Variants in SLIT1 observed in about 807,000 individuals in gnomAD.
SLIT1 encodes the protein slit guidance ligand 1, also known as slit homolog 1 protein.
A neutral mutation model predicts 186.1 loss-of-function variants in SLIT1; 66 were observed. That is an observed-to-expected ratio of 0.35 (90% CI 0.29 to 0.44). The LOEUF (loss-of-function observed/expected upper bound fraction) is 0.44. Among genes scored for constraint, SLIT1 ranks in the 20% least tolerant of loss-of-function variants. The pLI, the probability that SLIT1 is intolerant of heterozygous loss-of-function variation, is 1.00. For synonymous variants in SLIT1, 761 were observed against 833.8 expected (o/e 0.91, Z 1.50); for missense variants, 1,638 against 2,037.4 (o/e 0.80, Z 3.77).
intron 20 of SLIT1, among the ~76,000 whole-genome samples, chr10:97,040,900 C>T (rs933464770): frequency 6.6e-6 from 1 of 152,190 alleles, no homozygotes. Flanking sequence ...TCCCGGGTGA[C>T]AGTGACCATC....
At chr10:97,018,761 C>T in intron 27 of SLIT1, 78 bp from the exon 28 acceptor site, 1 of 875,436 alleles carries the variant, frequency 1.1e-6, no homozygotes, top group Non-Finnish European at 1.8e-6. Flanking sequence ...AGACCCTCAG[C>T]AGCTCAGCCT....
intron 4 of SLIT1, among the ~76,000 whole-genome samples, chr10:97,111,821 T>C (rs1156413368): frequency 6.6e-6 from 1 of 152,172 alleles, no homozygotes; most frequent in Non-Finnish European, 1.5e-5. Flanking sequence ...ACCACCCTGT[T>C]ACTCATCGTC....
At chr10:97,168,012 G>T (rs1048739296) in intron 1 of SLIT1, among the ~76,000 whole-genome samples, 3 of 152,108 alleles carry the variant, frequency 2.0e-5, no homozygotes, top group Non-Finnish European at 1.5e-5. Context: ...GTGTGAGAAC[G>T]GACTAATAAA....
At position 97,043,200 on chromosome 10, in the gene SLIT1, A is replaced by G; in HGVS notation, c.1998-133T>C. The G allele has an allele frequency of 7.6e-7, 1 of 1,320,504 alleles. No homozygotes were observed. The highest frequency in any genetic ancestry group is 2.3e-5 in the East Asian group (1 of 43,210). The allele number at this position is 1,320,504 out of a possible 1,614,324, so 81.8% of individuals were successfully genotyped here. On this transcript the variant is annotated intron_variant, in intron 19 of 36. Coordinates refer to ENST00000266058, the MANE Select transcript of SLIT1 (RefSeq NM_003061.3). This position sits in a 1 kb window ranked among gnomAD's most constrained non-coding sequence, Gnocchi z 7.0. ...TCTCCCAGACCACCACCCATCACCAAGAGGACCGGCTCTGAGGACCGGAGG... is the reference window on the plus strand; with the variant it reads ...TCTCCCAGACCACCACCCATCACCAGGAGGACCGGCTCTGAGGACCGGAGG...
At position 97,030,771 on chromosome 10, in the gene SLIT1, G is replaced by A; in HGVS notation, c.2568C>T (p.Thr856=). Residue 856 remains threonine, a synonymous_variant, in exon 25 of 37, where the codon ACC becomes ACT. Coordinates refer to ENST00000266058, the MANE Select transcript of SLIT1 (RefSeq NM_003061.3). ...TLQEGIFADV[T]SLSHLAIGAN... ...AGGGTACTCACAGGTGAGACAGGGA[G>A]GTCACGTCTGCAAAGATGCCCTCTT... 6.2e-7 allele frequency: 1 copy of A among 1,613,804 alleles called. No individual in the cohort carries two copies. The highest frequency in any genetic ancestry group is 8.5e-7 in the Non-Finnish European group (1 of 1,179,778).
At chr10:97,056,004 A>T (rs1848832769) in intron 13 of SLIT1, among the ~76,000 whole-genome samples, 1 of 152,224 alleles carries the variant, frequency 6.6e-6, no homozygotes, top group Non-Finnish European at 1.5e-5. Context: ...AGCATTTATC[A>T]AGCACTTGTG....
chr10:97,019,412 A>G (rs1020404385), intron 26 of SLIT1, among the ~76,000 whole-genome samples: 1 of 152,204 alleles, frequency 6.6e-6, no homozygotes, highest in Admixed American at 6.5e-5. Context: ...TTAGGGCCGC[A>G]TGATCCATGT....
At chr10:97,086,806 T>A (rs1230600734) in intron 4 of SLIT1, among the ~76,000 whole-genome samples, 1 of 152,140 alleles carries the variant, frequency 6.6e-6, no homozygotes, top group Non-Finnish European at 1.5e-5. Flanking sequence ...GGGGAACCAC[T>A]CTGTGTGATA....
In SLIT1 at chr10:97,117,282, A is replaced by G. The variant is rs895062233; in HGVS notation, c.413+40536T>C. ...GGGTGTCCAAAGAGCAAAGCAGGTA[A>G]ATTAAAAAAAATTACAGGGAGATGA... On this transcript the variant is annotated intron_variant, in intron 4 of 36. Transcript: ENST00000266058. 2.7e-5 allele frequency among the ~76,000 whole-genome samples: 3 copies of G among 111,202 alleles called. No individual in the cohort carries two copies. In the South Asian group the frequency reaches 1.0e-3, roughly 37 times the overall value. The allele number at this position is 111,202 out of a possible 152,430, so 73.0% of individuals were successfully genotyped here.
At position 97,030,818 on chromosome 10, in the gene SLIT1, C is replaced by G. The variant is rs780888083; in HGVS notation, c.2521G>C (p.Gly841Arg). ...LRSLRLLSLH[G>R]NDISTLQEGI... ...TCTTGGAGGGTGGAGATGTCATTGCCGTGGAGAGACCTGAGAAGGGAAGAG... is the reference window on the plus strand; with the variant it reads ...TCTTGGAGGGTGGAGATGTCATTGCGGTGGAGAGACCTGAGAAGGGAAGAG... Residue 841 changes from glycine (G) to arginine (R), a missense_variant, in exon 25 of 37, where the codon GGC becomes CGC. By Grantham distance (125) the Gly-to-Arg change is moderately radical. Coordinates refer to ENST00000266058, the MANE Select transcript of SLIT1 (RefSeq NM_003061.3). 6.2e-7 allele frequency: 1 copy of G among 1,613,908 alleles called. No individual in the cohort carries two copies. The highest frequency in any genetic ancestry group is 1.3e-5 in the African/African-American group (1 of 75,036).
intron 4 of SLIT1, among the ~76,000 whole-genome samples, chr10:97,128,545 G>A (rs1849624513): frequency 6.6e-6 from 1 of 152,200 alleles, no homozygotes; most frequent in Non-Finnish European, 1.5e-5. Context: ...GGGAGCAGGA[G>A]TTTAACAGGC....
intron 20 of SLIT1, among the ~76,000 whole-genome samples, chr10:97,040,404 C>T (rs1222461860): frequency 6.6e-6 from 1 of 152,162 alleles, no homozygotes; most frequent in Non-Finnish European, 1.5e-5. Context: ...TGGCCGCGCA[C>T]CATCCCATCC....
chr10:97,159,878 C>T lies in SLIT1; in HGVS notation c.342-1989G>A, dbSNP rs116375734. ...GAGGTTTCCTGCCACCACTGCACCACGTGGCTTGGCTCTTCATAGGTGCCC... is the reference window on the plus strand; with the variant it reads ...GAGGTTTCCTGCCACCACTGCACCATGTGGCTTGGCTCTTCATAGGTGCCC... On this transcript the variant is annotated intron_variant, in intron 3 of 36. Coordinates refer to ENST00000266058, the MANE Select transcript of SLIT1 (RefSeq NM_003061.3). Among the ~76,000 whole-genome samples the T allele has an allele frequency of 8.2e-3, 1,255 of 152,288 alleles. 20 individuals carry two copies. The highest frequency in any genetic ancestry group is 0.029 in the African/African-American group (1,191 of 41,570).
intron 4 of SLIT1, among the ~76,000 whole-genome samples, chr10:97,067,741 G>T (rs1188197699): frequency 6.6e-6 from 1 of 152,170 alleles, no homozygotes; most frequent in Non-Finnish European, 1.5e-5. Context: ...ACACACCGGG[G>T]TCCTGAAGGT....
In SLIT1 at chr10:97,000,776, C is replaced by CAGAT. The variant is rs1478220486; in HGVS notation, c.*332_*335dup. 3.6e-5 allele frequency: 9 copies of CAGAT among 249,708 alleles called. No homozygotes were observed. The highest frequency in any genetic ancestry group is 1.8e-4 in the African/African-American group (8 of 44,898). 15.5% of individuals were successfully genotyped at this position (249,708 alleles called of 1,614,324 possible). A position where few individuals can be genotyped will look rare whatever the true frequency, so the allele number is the denominator to read the frequency against. On this transcript the variant is annotated 3_prime_UTR_variant, in exon 37 of 37. Coordinates refer to ENST00000266058, the MANE Select transcript of SLIT1 (RefSeq NM_003061.3). Reference sequence around the variant, plus strand: ...GGCTGTCATTTTTCTTCTCCAGATTCAGATAGCAGGTAAGGAGGGGTGTCA... The same window carrying CAGAT: ...GGCTGTCATTTTTCTTCTCCAGATTCAGATAGATAGCAGGTAAGGAGGGGTGTCA...
intron 1 of SLIT1, among the ~76,000 whole-genome samples, chr10:97,179,614 T>C (rs1040944245): frequency 6.6e-6 from 1 of 152,210 alleles, no homozygotes; most frequent in Non-Finnish European, 1.5e-5. Context: ...GCTCCTCGTC[T>C]CTATGGACAT....
Position 97,063,550 on chromosome 10 carries a change from C to T in SLIT1, c.698G>A (p.Arg233Gln), listed in dbSNP as rs758981125. 10 of 1,613,010 alleles carry T rather than the reference C, an allele frequency of 6.2e-6. No homozygotes were observed. In the Admixed American group the frequency reaches 8.3e-5, roughly 13 times the overall value. ...LAWLSQWLRQRPTIGLFTQCS... is the reference protein window; with the variant it reads ...LAWLSQWLRQQPTIGLFTQCS... Reference sequence around the variant, plus strand: ...CTGGGTGAAGAGCCCGATGGTTGGCCGCTGCCTCAGCCACTGCGAGAGCCA... The same window carrying T: ...CTGGGTGAAGAGCCCGATGGTTGGCTGCTGCCTCAGCCACTGCGAGAGCCA... Residue 233 changes from arginine (R) to glutamine (Q), a missense_variant, in exon 8 of 37, where the codon CGG (arginine) becomes CAG (glutamine). Transcript: ENST00000266058.
At position 96,999,491 on chromosome 10, in the gene SLIT1, C is replaced by G. The variant is rs558478461; in HGVS notation, c.*1621G>C. ...TCACCTGAACATACACCCAGCCATG[C>G]CTCCTGGTCACAGATGGAGGGAGCC... On this transcript the variant is annotated 3_prime_UTR_variant, in exon 37 of 37. Transcript: ENST00000266058. The G allele has an allele frequency of 4.8e-4, 73 of 152,512 alleles. No individual in the cohort carries two copies. The highest frequency in any genetic ancestry group is 1.7e-3 in the African/African-American group (71 of 41,570). The allele number at this position is 152,512 out of a possible 1,614,324, so 9.4% of individuals were successfully genotyped here. A position where few individuals can be genotyped will look rare whatever the true frequency, so the allele number is the denominator to read the frequency against.
chr10:97,130,023 A>G (rs1172583222), intron 4 of SLIT1, among the ~76,000 whole-genome samples: 2 of 152,196 alleles, frequency 1.3e-5, no homozygotes, highest in Non-Finnish European at 2.9e-5. Flanking sequence ...GGAAAACAGA[A>G]GGAAACGACC....
Sources: gnomAD v4.1 joint callset for allele counts (sites outside exome capture counted in the v4.1 genomes callset) on GRCh38, gnomAD v4.1.1 for gene constraint, Gnocchi (gnomAD v3.1) non-coding constraint, MANE v1.5 for transcripts, NCBI Gene and HGNC (gene_info 2026-07-23, HGNC 2026-07-21) for gene names.